Variants in KIF4A observed in about 807,000 individuals in gnomAD.
The protein encoded by KIF4A is chromosome-associated kinesin KIF4A.
KIF4A carries 7 observed loss-of-function variants against 105.9 expected under a neutral mutation model. That is an observed-to-expected ratio of 0.07 (90% confidence interval 0.04 to 0.12). KIF4A has a LOEUF of 0.12. KIF4A is among the 10% of genes least tolerant of loss of function. The pLI, the probability that KIF4A is intolerant of heterozygous loss-of-function variation, is 1.00. For missense variants in KIF4A, 558 were observed against 929.2 expected, an observed-to-expected ratio of 0.60 and a Z score of 5.19; for synonymous variants, 281 against 331.3, an observed-to-expected ratio of 0.85 and a Z score of 1.65.
intron 10 of KIF4A, among the ~76,000 whole-genome samples, chrX:70,335,503 A>G (rs2085947001): frequency 8.9e-6 from 1 of 112,404 alleles, no homozygotes; most frequent in Admixed American, 9.4e-5. Flanking sequence ...CTAGTGAACA[A>G]CACACTTAAA....
At position 70,303,921 on chromosome X, in the gene KIF4A, T is replaced by A. The variant is rs201803758; in HGVS notation, c.778+1523T>A. On this transcript the variant is annotated intron_variant, in intron 7 of 30. Coordinates refer to ENST00000374403, the MANE Select transcript of KIF4A (RefSeq NM_012310.5). ...CACTTAACTTACATTTCTTTTTTTT[T>A]ATTTTTTTATTTTATTTTATTATTA... Among the ~76,000 whole-genome samples, 76 of 103,580 alleles carry A rather than the reference T, an allele frequency of 7.3e-4. No homozygotes were observed. The South Asian group carries it at 0.024, about 33-fold the overall frequency. The allele number at this position is 103,580 out of a possible 115,157, so 89.9% of individuals were successfully genotyped here. A position where few individuals can be genotyped will look rare whatever the true frequency, so the allele number is the denominator to read the frequency against.
chrX:70,353,882 T>C, intron 15 of KIF4A, 75 bp downstream of exon 15: 3 of 876,238 alleles, frequency 3.4e-6, no homozygotes, highest in Non-Finnish European at 4.7e-6. Context: ...ACAACAAGCA[T>C]ATAATTTTTG....
intron 20 of KIF4A, 101 bp from the exon 21 acceptor site, chrX:70,395,570 C>A: frequency 9.5e-7 from 1 of 1,047,363 alleles, no homozygotes; most frequent in Non-Finnish European, 1.3e-6. Context: ...CTTGTAGTTA[C>A]TTGGGCTCTG....
At chrX:70,328,666 G>A (rs376634119) in intron 7 of KIF4A, among the ~76,000 whole-genome samples, 72 of 111,833 alleles carry the variant, frequency 6.4e-4, no homozygotes, top group African/African-American at 2.2e-3. Flanking sequence ...TAACTAGTCA[G>A]TGACAGAGCC....
intron 9 of KIF4A, 50 bp from the exon 10 acceptor site, chrX:70,333,578 A>C: frequency 1.1e-6 from 1 of 893,675 alleles, no homozygotes; most frequent in Non-Finnish European, 1.6e-6. Flanking sequence ...CCAAGGGTTA[A>C]GTAGCATTTG....
chrX:70,334,430 G>C (rs2085942801), intron 10 of KIF4A, among the ~76,000 whole-genome samples: 1 of 111,561 alleles, frequency 9.0e-6, no homozygotes, highest in East Asian at 2.8e-4. Flanking sequence ...GGTTCATTTT[G>C]GCTTTCCCCC....
chrX:70,294,945 G>A (rs909309314), intron 3 of KIF4A, among the ~76,000 whole-genome samples: 17 of 111,522 alleles, frequency 1.5e-4, no homozygotes, highest in African/African-American at 2.0e-4. Context: ...ATAGTGGCGC[G>A]TGCCTGTAGT....
chrX:70,404,790 G>A lies in KIF4A; in HGVS notation c.2866G>A (p.Glu956Lys), dbSNP rs2067965366. ...KQLEESVSEK[E>K]QQLLSTLKCQ... ...GTTAGAGGAATCAGTCAGTGAAAAG[G>A]AACAGCAGCTGCTGAGCACACTGAA... Residue 956 changes from glutamate to lysine, a missense_variant, in exon 25 of 31, where the codon GAA becomes AAA. Glu to Lys is a moderately conservative substitution (Grantham distance 56). Transcript: ENST00000374403. The A allele has an allele frequency of 1.7e-6, 2 of 1,203,955 alleles. No homozygotes were observed. Among genetic ancestry groups the A allele is most frequent in the African/African-American group, 3.5e-5 (2 of 57,241 alleles).
At chrX:70,363,186 A>T (rs962498046) in intron 15 of KIF4A, among the ~76,000 whole-genome samples, 9 of 111,572 alleles carry the variant, frequency 8.1e-5, no homozygotes, top group Non-Finnish European at 1.7e-4. Context: ...CCCCTTGTGG[A>T]GTTGGTAAGA....
chrX:70,301,646 T>G (rs928243252), intron 5 of KIF4A, among the ~76,000 whole-genome samples: 1 of 111,870 alleles, frequency 8.9e-6, no homozygotes, highest in Non-Finnish European at 1.9e-5. Flanking sequence ...ATTGCTACCC[T>G]AAAATCTTGA....
At chrX:70,392,537 T>C (rs2086241185) in intron 20 of KIF4A, among the ~76,000 whole-genome samples, 1 of 110,704 alleles carries the variant, frequency 9.0e-6, no homozygotes, top group African/African-American at 3.3e-5. Flanking sequence ...TGTTTATGCC[T>C]GTAATATTGG....
rs375560637 is a variant in KIF4A at position 70,419,639 on chromosome X, T to C, written c.3373-22T>C. Reference sequence around the variant, plus strand: ...AAACCTGGCAGCCAAATTTATAATATGCCTGTCTGCTTGATTTTCAGGATA... The same window carrying C: ...AAACCTGGCAGCCAAATTTATAATACGCCTGTCTGCTTGATTTTCAGGATA... On this transcript the variant is annotated intron_variant, in intron 29 of 30. Transcript: ENST00000374403. The C allele has an allele frequency of 7.5e-6, 9 of 1,207,070 alleles. 1 individual carries two copies. The African/African-American group carries it at 1.4e-4, about 19-fold the overall frequency.
At chrX:70,361,484 C>A in intron 15 of KIF4A, 1 of 152,085 alleles carries the variant, frequency 6.6e-6, no homozygotes, top group South Asian at 1.6e-4. Flanking sequence ...GGATATTGTC[C>A]CCGGGTTACA....
At chrX:70,290,326 A>C (rs914680371) in intron 1 of KIF4A, 112 bp from the exon 2 acceptor site, 8 of 938,622 alleles carry the variant, frequency 8.5e-6, no homozygotes, top group Non-Finnish European at 1.0e-5. Flanking sequence ...ATGGAGCGTG[A>C]ATCTCCCAAG....
chrX:70,291,720 T>A (rs1179399028), intron 3 of KIF4A, among the ~76,000 whole-genome samples: 1 of 111,980 alleles, frequency 8.9e-6, no homozygotes, highest in East Asian at 2.8e-4. Context: ...TTGTTTTTCA[T>A]CCAAAGAAAA....
chrX:70,419,300 GT>G (rs2086357193), intron 29 of KIF4A, among the ~76,000 whole-genome samples: 1 of 112,056 alleles, frequency 8.9e-6, no homozygotes, highest in Non-Finnish European at 1.9e-5. Flanking sequence ...CTCGGACTCA[GT>G]TTTCTTAACT....
chrX:70,404,494 C>T (rs181141345), intron 24 of KIF4A, among the ~76,000 whole-genome samples: 8 of 104,294 alleles, frequency 7.7e-5, no homozygotes, highest in Admixed American at 7.7e-4. Context: ...GAGCCATGAT[C>T]GTGCCATTGC....
At chrX:70,379,400 C>T in intron 18 of KIF4A, among the ~76,000 whole-genome samples, 1 of 111,585 alleles carries the variant, frequency 9.0e-6, no homozygotes, top group East Asian at 2.8e-4. Context: ...AGACCCATGA[C>T]AAGAAGTTAA....
intron 22 of KIF4A, among the ~76,000 whole-genome samples, chrX:70,398,799 C>T (rs779716197): frequency 9.0e-6 from 1 of 111,484 alleles, no homozygotes; most frequent in Non-Finnish European, 1.9e-5. Context: ...AAGTGTGGGC[C>T]GCAGATTACT....
Sources: allele counts gnomAD v4.1 joint callset (sites outside exome capture counted in the v4.1 genomes callset), GRCh38; gene constraint gnomAD v4.1.1; transcripts MANE v1.5; gene names NCBI Gene and HGNC (gene_info 2026-07-23, HGNC 2026-07-21).